The following WIPF3 variants were observed in gnomAD, a reference collection of about 807,000 sequenced individuals.
The protein encoded by WIPF3 is WAS/WASL interacting protein family member 3, also known as WAS/WASL-interacting protein family member 3.
In WIPF3, 33 loss-of-function variants were observed where a neutral mutation model predicts 38.9. That is an observed-to-expected ratio of 0.85 (90% CI 0.64 to 1.14). The LOEUF is 1.14. WIPF3 is among the 50% of genes most tolerant of loss of function. The pLI, the probability that WIPF3 is intolerant of heterozygous loss-of-function variation, is 0.00. For synonymous variants in WIPF3, 324 were observed against 269.3 expected (o/e 1.20, Z -1.99); for missense variants, 711 against 652.5 (o/e 1.09, Z -0.98).
Position 29,806,795 on chromosome 7 carries a change from C to G in WIPF3, c.-58+117C>G, listed in dbSNP as rs529618185. The stretch of plus-strand genomic sequence containing the variant: ...AGTGGCCCGGCCCGGGACAGAGATC[C>G]TGAGGGCGTGGGAGGGCCGGGGAAC... On this transcript the variant is annotated intron_variant, in intron 1 of 8. Transcript: ENST00000242140. The G allele has an allele frequency of 2.6e-5, 4 of 151,660 alleles. No individual in the cohort carries two copies. The East Asian group carries it at 7.8e-4, about 30-fold the overall frequency. 9.4% of individuals were successfully genotyped at this position (151,660 alleles called of 1,614,324 possible). A position where few individuals can be genotyped will look rare whatever the true frequency, so the allele number is the denominator to read the frequency against.
intron 8 of WIPF3, chr7:29,905,913 G>T (rs1786387847): frequency 6.6e-6 from 1 of 151,942 alleles, no homozygotes; most frequent in East Asian, 1.9e-4. Flanking sequence ...ATTAGAAAGT[G>T]ACCACATATG....
At chr7:29,894,557 T>G (rs1254749798) in intron 7 of WIPF3, among the ~76,000 whole-genome samples, 1 of 152,152 alleles carries the variant, frequency 6.6e-6, no homozygotes, top group Non-Finnish European at 1.5e-5. Context: ...TTAAATTATA[T>G]TAGTGTGAAT....
chr7:29,908,023 A>C (rs1786431931), intron 8 of WIPF3, among the ~76,000 whole-genome samples: 1 of 152,232 alleles, frequency 6.6e-6, no homozygotes, highest in Non-Finnish European at 1.5e-5. Context: ...AATTGCTTCA[A>C]ATGCAAACGG....
At chr7:29,862,717 C>T (rs1785314311) in intron 2 of WIPF3, among the ~76,000 whole-genome samples, 1 of 152,102 alleles carries the variant, frequency 6.6e-6, no homozygotes, top group South Asian at 2.1e-4. Flanking sequence ...AATAATATGC[C>T]AACACTGTTA....
intron 6 of WIPF3, among the ~76,000 whole-genome samples, chr7:29,888,895 C>T (rs2128077294): frequency 6.6e-6 from 1 of 152,324 alleles, no homozygotes; most frequent in East Asian, 1.9e-4. Flanking sequence ...CCTCTCCCTC[C>T]CCTCAAAACC....
intron 2 of WIPF3, among the ~76,000 whole-genome samples, chr7:29,838,080 G>A (rs865919977): frequency 2.6e-5 from 4 of 152,040 alleles, no homozygotes; most frequent in African/African-American, 4.8e-5. Context: ...CACCACGCCC[G>A]GCTAATTTTC....
At chr7:29,855,589 G>T (rs1207202048) in intron 2 of WIPF3, among the ~76,000 whole-genome samples, 1 of 152,158 alleles carries the variant, frequency 6.6e-6, no homozygotes, top group Non-Finnish European at 1.5e-5. Context: ...CCTTTTGGGG[G>T]CCACTGTTGT....
chr7:29,822,124 T>TTTG (rs1784548652), intron 1 of WIPF3, among the ~76,000 whole-genome samples: 1 of 24,294 alleles, frequency 4.1e-5, no homozygotes, highest in African/African-American at 1.4e-4. Context: ...TTTTTCTTAG[T>TTTG]TTTTTTTTTT....
rs372492295 is a variant in WIPF3, at chr7:29,881,997, C to T, written c.356-1853C>T. 5.9e-5 allele frequency among the ~76,000 whole-genome samples: 9 copies of T among 152,232 alleles called. No homozygotes were observed. The East Asian group carries it at 1.3e-3, about 23-fold the overall frequency. On this transcript the variant is annotated intron_variant, in intron 4 of 8. Coordinates refer to ENST00000242140, the MANE Select transcript of WIPF3 (RefSeq NM_001080529.3). ...GGCCCAGGCCTGCCTCCTCCACTTG[C>T]CTGCACTTACACCATCAGCCCCTTT... is the stretch of plus-strand genomic sequence containing the variant.
intron 4 of WIPF3, 22 bp downstream of exon 4, chr7:29,879,162 C>T (rs1183192833): frequency 1.7e-5 from 27 of 1,604,866 alleles, no homozygotes; most frequent in Non-Finnish European, 2.2e-5. Context: ...TTCATTCTGG[C>T]TCCCTTGTGG....
intron 6 of WIPF3, 102 bp downstream of exon 6, chr7:29,888,319 G>C: frequency 7.0e-7 from 1 of 1,427,566 alleles, no homozygotes; most frequent in Non-Finnish European, 9.4e-7. Flanking sequence ...CCATCTCAGG[G>C]TGCATGCTTC....
chr7:29,822,385 C>T (rs1465150557), intron 1 of WIPF3, among the ~76,000 whole-genome samples: 1 of 152,156 alleles, frequency 6.6e-6, no homozygotes, highest in African/African-American at 2.4e-5. Context: ...TTGGACCCTC[C>T]TTTCCCCAGC....
At chr7:29,840,315 G>C (rs576857949) in intron 2 of WIPF3, among the ~76,000 whole-genome samples, 2 of 152,164 alleles carry the variant, frequency 1.3e-5, no homozygotes, top group East Asian at 1.9e-4. Flanking sequence ...CCTACTTAAG[G>C]CCTCTGCATA....
intron 2 of WIPF3, among the ~76,000 whole-genome samples, chr7:29,839,383 G>A (rs1385425137): frequency 6.6e-6 from 1 of 152,206 alleles, no homozygotes; most frequent in Non-Finnish European, 1.5e-5. Context: ...GGAAAAAGAT[G>A]TTCTCAGGGT....
chr7:29,828,435 G>A (rs62459996), intron 1 of WIPF3, among the ~76,000 whole-genome samples: 2 of 152,074 alleles, frequency 1.3e-5, no homozygotes, highest in Non-Finnish European at 2.9e-5. Flanking sequence ...AATAGCTCCC[G>A]CTAAAGAGGT....
At chr7:29,907,996 A>G (rs559873187) in intron 8 of WIPF3, among the ~76,000 whole-genome samples, 2 of 152,240 alleles carry the variant, frequency 1.3e-5, no homozygotes, top group Non-Finnish European at 2.9e-5. Context: ...TGACAGAGTA[A>G]ATCCCTCCTT....
chr7:29,815,126 G>A (rs781743538), intron 1 of WIPF3, among the ~76,000 whole-genome samples: 2 of 151,954 alleles, frequency 1.3e-5, no homozygotes, highest in Non-Finnish European at 2.9e-5. Context: ...CAGGGATTCA[G>A]AGAAAAAATA....
intron 2 of WIPF3, among the ~76,000 whole-genome samples, chr7:29,840,668 A>G (rs1027005408): frequency 6.6e-6 from 1 of 152,242 alleles, no homozygotes; most frequent in Non-Finnish European, 1.5e-5. Flanking sequence ...ATTTGAAGGT[A>G]GAAAGCATGG....
At chr7:29,901,836 A>G (rs376966041) in intron 7 of WIPF3, among the ~76,000 whole-genome samples, 4,725 of 145,004 alleles carry the variant, frequency 0.033, 126 homozygotes, top group Middle Eastern at 0.1. Flanking sequence ...AAAAAAAAAA[A>G]AAAAAAAAAA....
Sources: allele counts gnomAD v4.1 joint callset (sites outside exome capture counted in the v4.1 genomes callset), GRCh38; gene constraint gnomAD v4.1.1; transcripts MANE v1.5; gene names NCBI Gene and HGNC (gene_info 2026-07-23, HGNC 2026-07-21).